Variants in RBM39 observed in about 807,000 individuals in gnomAD.
The protein encoded by RBM39 is RNA-binding protein 39.
Under a neutral mutation model 79.6 loss-of-function variants are expected in RBM39, and 12 were observed. That is an observed-to-expected ratio of 0.15 (90% CI 0.10 to 0.24). The LOEUF is 0.24. Ranked by LOEUF, RBM39 falls within the 10% of genes least tolerant of loss-of-function variation. The pLI is 1.00. For missense variants in RBM39, 243 were observed against 653.4 expected (o/e 0.37, Z 6.85); for synonymous variants, 185 against 208.4 (o/e 0.89, Z 0.97).
In RBM39 at chr20:35,742,009, T is replaced by TGCC. The variant is rs560624216; in HGVS notation, c.-85_-83dup. 1.5e-4 allele frequency: 36 copies of TGCC among 238,296 alleles called. No individual in the cohort carries two copies. The highest frequency in any genetic ancestry group is 7.3e-4 in the Admixed American group (15 of 20,436). 14.8% of individuals were successfully genotyped at this position (238,296 alleles called of 1,614,324 possible). Reference sequence around the variant, plus strand: ...AGATTGCTGCTGCTGCTGCTGCTGCTGCCGCCGCCGCCGCTTCTGTTGCTA... The same window carrying TGCC: ...AGATTGCTGCTGCTGCTGCTGCTGCTGCCGCCGCCGCCGCCGCTTCTGTTGCTA... On this transcript the variant is annotated 5_prime_UTR_variant, in exon 1 of 17. Transcript: ENST00000253363.
intron 14 of RBM39, 41 bp downstream of exon 14, chr20:35,707,079 C>T (rs775605071): frequency 1.6e-5 from 15 of 966,602 alleles, no homozygotes; most frequent in South Asian, 5.2e-5. Flanking sequence ...ACTCTATTGA[C>T]GCCTTGATAG....
intron 3 of RBM39, among the ~76,000 whole-genome samples, chr20:35,737,677 G>A (rs1301611786): frequency 6.8e-6 from 1 of 147,756 alleles, no homozygotes; most frequent in South Asian, 2.2e-4. Context: ...ATGAAACCCT[G>A]TCTCTACTAA....
At chr20:35,731,855 T>G (rs1409713496) in intron 4 of RBM39, 86 bp downstream of exon 4, 6 of 1,232,692 alleles carry the variant, frequency 4.9e-6, no homozygotes, top group African/African-American at 1.5e-5. Flanking sequence ...AAATAAAAAT[T>G]CACAATTCAA....
At chr20:35,722,711 A>G (rs1205967427) in intron 8 of RBM39, among the ~76,000 whole-genome samples, 1 of 151,888 alleles carries the variant, frequency 6.6e-6, no homozygotes, top group African/African-American at 2.4e-5. Flanking sequence ...AGGCGGACGG[A>G]TCACGAGGTC....
At chr20:35,739,080 G>T in intron 2 of RBM39, 63 bp from the exon 3 acceptor site, 2 of 1,304,660 alleles carry the variant, frequency 1.5e-6, no homozygotes, top group Non-Finnish European at 2.2e-6. Flanking sequence ...GTTGTCAAAG[G>T]GTAAAGGGAA....
chr20:35,716,834 C>G, intron 9 of RBM39, 29 bp from the exon 10 acceptor site: 1 of 1,504,832 alleles, frequency 6.6e-7, no homozygotes, highest in Non-Finnish European at 9.1e-7. Context: ...ATTACTATAA[C>G]TTAAAAGCAG....
chr20:35,734,209 C>A, intron 3 of RBM39: 1 of 1,303,634 alleles, frequency 7.7e-7, no homozygotes, highest in South Asian at 1.2e-5. Flanking sequence ...GAAACCCACA[C>A]TCCAATCACA....
At chr20:35,734,371 G>C (rs1390525277) in intron 3 of RBM39, 16 of 453,820 alleles carry the variant, frequency 3.5e-5, no homozygotes, top group South Asian at 3.0e-4. Context: ...GCCATGCCCA[G>C]ATGGGCAATA....
intron 1 of RBM39, 137 bp from the exon 2 acceptor site, chr20:35,741,024 A>G: frequency 2.6e-5 from 2 of 76,918 alleles, no homozygotes; most frequent in Non-Finnish European, 4.9e-5. Flanking sequence ...GTGAGTAAAC[A>G]TTTTTCTTTT....
rs58614202 is a variant in RBM39, at chr20:35,707,027, T to TAAA, written c.1307+90_1307+92dup. 7.5e-3 allele frequency: 1,137 copies of TAAA among 151,116 alleles called. 2 individuals are homozygous for TAAA. Among genetic ancestry groups the TAAA allele is most frequent in the Middle Eastern group, 0.012 (4 of 338 alleles). 9.4% of individuals were successfully genotyped at this position (151,116 alleles called of 1,614,324 possible). On this transcript the variant is annotated intron_variant, in intron 14 of 16. Transcript: ENST00000253363. The stretch of plus-strand genomic sequence containing the variant: ...AGACAACAAGAGCGAAACTCCATCT[T>TAAA]AAAAAAAAAAAAAAAAAAAAAAAAG...
rs1241259168 is a variant in RBM39, at chr20:35,703,831, CAG to C, written c.*648_*649del. 6.6e-6 allele frequency: 1 copy of C among 152,370 alleles called. No homozygotes were observed. Among genetic ancestry groups the C allele is most frequent in the Non-Finnish European group, 1.5e-5 (1 of 68,044 alleles). The allele number at this position is 152,370 out of a possible 1,614,324, so 9.4% of individuals were successfully genotyped here. On this transcript the variant is annotated 3_prime_UTR_variant, in exon 17 of 17. Coordinates refer to ENST00000253363, the MANE Select transcript of RBM39 (RefSeq NM_184234.3). ...TTCTTTCTCAGACTGCTTTGCCTAC[CAG>C]ACTCTCACGTTTAAACATCTTCAGG... is the stretch of plus-strand genomic sequence containing the variant.
At chr20:35,741,173 A>T (rs182559732) in intron 1 of RBM39, among the ~76,000 whole-genome samples, 15 of 151,336 alleles carry the variant, frequency 9.9e-5, no homozygotes, top group African/African-American at 3.4e-4. Context: ...AGCTGGGATC[A>T]CAGGCGCCTG....
intron 6 of RBM39, 103 bp downstream of exon 6, chr20:35,729,209 G>C: frequency 9.6e-7 from 1 of 1,040,050 alleles, no homozygotes; most frequent in Non-Finnish European, 1.4e-6. Context: ...GAAAGCAAAA[G>C]CAAGATTTAA....
chr20:35,723,556 G>A (rs1044029789), intron 8 of RBM39, among the ~76,000 whole-genome samples: 9 of 151,918 alleles, frequency 5.9e-5, no homozygotes, highest in Non-Finnish European at 1.0e-4. Context: ...CTCCTGCCTC[G>A]GCCTCCTGAG....
chr20:35,733,980 A>T (rs1311328384), intron 3 of RBM39, among the ~76,000 whole-genome samples: 1 of 152,240 alleles, frequency 6.6e-6, no homozygotes, highest in African/African-American at 2.4e-5. Context: ...GACATTTCAA[A>T]ATCAGTTTAT....
At position 35,735,097 on chromosome 20, in the gene RBM39, A is replaced by G. The variant is rs766091639; in HGVS notation, c.102-2962T>C. 4 of 1,530,908 alleles carry G rather than the reference A, an allele frequency of 2.6e-6. No homozygotes were observed. In the African/African-American group the frequency reaches 5.6e-5, roughly 21 times the overall value. 94.8% of individuals were successfully genotyped at this position (1,530,908 alleles called of 1,614,324 possible). A position where few individuals can be genotyped will look rare whatever the true frequency, so the allele number is the denominator to read the frequency against. ...GCAAAGTATTCTGGAAAATAAGAAA[A>G]AAAATAGAAAAGTCATTTATTCCAA... On this transcript the variant is annotated intron_variant, in intron 3 of 16. Coordinates refer to ENST00000253363, the MANE Select transcript of RBM39 (RefSeq NM_184234.3).
In RBM39 at chr20:35,716,813, TG is replaced by T; in HGVS notation, c.826-9del. 1 of 1,586,974 alleles carries T rather than the reference TG, an allele frequency of 6.3e-7. No homozygotes were observed. The highest frequency in any genetic ancestry group is 8.6e-7 in the Non-Finnish European group (1 of 1,160,184). On this transcript the variant is annotated splice_polypyrimidine_tract_variant and intron_variant, in intron 9 of 16. Coordinates refer to ENST00000253363, the MANE Select transcript of RBM39 (RefSeq NM_184234.3). ...CAGCTGGATACTTTCAATCTATAATTGAAAAGCATAATTACTATAACTTAAA... is the reference window on the plus strand; with the variant it reads ...CAGCTGGATACTTTCAATCTATAATTAAAAGCATAATTACTATAACTTAAA...
intron 9 of RBM39, among the ~76,000 whole-genome samples, chr20:35,720,825 T>C (rs1275698555): frequency 2.0e-5 from 3 of 152,150 alleles, no homozygotes; most frequent in Non-Finnish European, 4.4e-5. Flanking sequence ...CACATACTGT[T>C]AGGCAGAACA....
At chr20:35,711,641 A>AC in intron 12 of RBM39, among the ~76,000 whole-genome samples, 1 of 152,216 alleles carries the variant, frequency 6.6e-6, no homozygotes, top group Non-Finnish European at 1.5e-5. Flanking sequence ...AAAGGTACTC[A>AC]CACACTTAAG....
Sources: gnomAD v4.1 joint callset for allele counts (sites outside exome capture counted in the v4.1 genomes callset) on GRCh38, gnomAD v4.1.1 for gene constraint, MANE v1.5 for transcripts, NCBI Gene and HGNC (gene_info 2026-07-23, HGNC 2026-07-21) for gene names.